ETV5: variants seen among roughly 807,000 people sequenced by gnomAD.
ETV5 encodes the protein ETS variant transcription factor 5, also known as ETS translocation variant 5.
In ETV5, 10 loss-of-function variants were observed where a neutral mutation model predicts 70.0. The ratio of observed to expected loss-of-function variants is 0.14; its 90% confidence interval spans 0.09 to 0.24. The LOEUF (loss-of-function observed/expected upper bound fraction) is 0.24, where lower values mean the gene tolerates loss of function less well. ETV5 is among the 10% of genes least tolerant of loss of function. The probability of loss-of-function intolerance (pLI) is 1.00; values close to 1 mark genes in which losing one functional copy is unlikely to be tolerated. For missense variants in ETV5, 453 were observed against 651.2 expected, an observed-to-expected ratio of 0.70 and a Z score of 3.31; for synonymous variants, 216 against 242.2, an observed-to-expected ratio of 0.89 and a Z score of 1.01.
chr3:186,072,473 T>G (rs1441488243), intron 7 of ETV5, among the ~76,000 whole-genome samples: 1 of 152,200 alleles, frequency 6.6e-6, no homozygotes, highest in African/African-American at 2.4e-5. Context: ...AGGAGCCCAC[T>G]GGTTGCCTTT....
At chr3:186,084,039 G>A in intron 5 of ETV5, 1 of 237,674 alleles carries the variant, frequency 4.2e-6, no homozygotes, top group Non-Finnish European at 8.5e-6. Flanking sequence ...CTTGCTTTCA[G>A]TCTGTTTCTT....
chr3:186,078,032 C>T (rs1242343286), intron 7 of ETV5: 44 of 1,057,702 alleles, frequency 4.2e-5, no homozygotes, highest in South Asian at 9.1e-5. Flanking sequence ...TCAACACCCA[C>T]GGGCAAATAA....
chr3:186,105,440 G>GAA lies in ETV5; in HGVS notation c.181+7_181+8dup. The GAA allele has an allele frequency of 1.2e-6, 2 of 1,613,958 alleles. No homozygotes were observed. Among genetic ancestry groups the GAA allele is most frequent in the Non-Finnish European group, 1.7e-6 (2 of 1,179,884 alleles). ...TTTATATGGAAAATAGGACATCCATGAAACTTGCCTTCAGCTAACCAAGCC... is the reference window on the plus strand; with the variant it reads ...TTTATATGGAAAATAGGACATCCATGAAAAACTTGCCTTCAGCTAACCAAGCC... On this transcript the variant is annotated intron_variant, in intron 4 of 12. Transcript: ENST00000306376. The surrounding 1 kb of genome is among the most constrained non-coding windows in gnomAD (Gnocchi z 4.5).
At chr3:186,081,932 C>A (rs1031025631) in intron 5 of ETV5, among the ~76,000 whole-genome samples, 3 of 152,236 alleles carry the variant, frequency 2.0e-5, no homozygotes, top group African/African-American at 7.2e-5. Context: ...TTGCTGAATT[C>A]ATGGAATAAA....
chr3:186,058,545 C>A (rs1158263148), intron 9 of ETV5, among the ~76,000 whole-genome samples: 2 of 152,106 alleles, frequency 1.3e-5, no homozygotes, highest in Non-Finnish European at 2.9e-5. Flanking sequence ...AAAGGCTCTG[C>A]AATGAAGGAC....
intron 7 of ETV5, among the ~76,000 whole-genome samples, chr3:186,076,980 GC>G: frequency 6.6e-6 from 1 of 152,326 alleles, no homozygotes; most frequent in Non-Finnish European, 1.5e-5. Flanking sequence ...GATGTTAGCA[GC>G]CCAAATAAAA....
chr3:186,048,896 G>C, intron 12 of ETV5, 36 bp from the exon 13 acceptor site: 2 of 1,553,234 alleles, frequency 1.3e-6, no homozygotes, highest in Non-Finnish European at 1.8e-6. Flanking sequence ...GGCCCAGTTG[G>C]AACAGGGCAT....
Position 186,080,652 on chromosome 3 carries a change from T to C in ETV5, c.362+394A>G, listed in dbSNP as rs988671951. The C allele has an allele frequency of 1.7e-5, 4 of 231,320 alleles. No homozygotes were observed. The East Asian group carries it at 1.9e-4, about 11-fold the overall frequency. The allele number at this position is 231,320 out of a possible 1,614,324, so 14.3% of individuals were successfully genotyped here. On this transcript the variant is annotated intron_variant, in intron 6 of 12. Coordinates refer to ENST00000306376, the MANE Select transcript of ETV5 (RefSeq NM_004454.3). Reference sequence around the variant, plus strand: ...ATATTCTTAAGTAAAGGGCACAAGCTTCAAGACTTTTTCATATATTCTGAT... The same window carrying C: ...ATATTCTTAAGTAAAGGGCACAAGCCTCAAGACTTTTTCATATATTCTGAT...
At chr3:186,106,239 A>C (rs564657751) in intron 1 of ETV5, among the ~76,000 whole-genome samples, 1 of 152,292 alleles carries the variant, frequency 6.6e-6, no homozygotes, top group Admixed American at 6.5e-5. Flanking sequence ...AAAATAAATA[A>C]ATAAAATAAA....
chr3:186,077,590 G>A (rs2150148503), intron 7 of ETV5, among the ~76,000 whole-genome samples: 1 of 152,298 alleles, frequency 6.6e-6, no homozygotes, highest in Middle Eastern at 3.4e-3. Context: ...GTGGAATAAG[G>A]ATGAGGGTAG....
chr3:186,073,609 T>A (rs1399481428), intron 7 of ETV5, among the ~76,000 whole-genome samples: 3 of 152,104 alleles, frequency 2.0e-5, no homozygotes, highest in Admixed American at 6.5e-5. Context: ...ACCAGAAAAA[T>A]CTCATACGTT....
chr3:186,090,403 G>A (rs1456133979), intron 5 of ETV5, among the ~76,000 whole-genome samples: 1 of 152,216 alleles, frequency 6.6e-6, no homozygotes, highest in African/African-American at 2.4e-5. Flanking sequence ...ACTACTGCCT[G>A]CTAATACTTC....
At chr3:186,094,608 T>TG (rs1016748810) in intron 5 of ETV5, among the ~76,000 whole-genome samples, 12 of 152,164 alleles carry the variant, frequency 7.9e-5, no homozygotes, top group Admixed American at 7.9e-4. Flanking sequence ...ACGCCAAAAA[T>TG]GGAAACCTAG....
At chr3:186,055,419 A>C (rs982075224) in intron 11 of ETV5, among the ~76,000 whole-genome samples, 2 of 152,182 alleles carry the variant, frequency 1.3e-5, no homozygotes, top group Non-Finnish European at 2.9e-5. Context: ...GGGATGCTAG[A>C]AGCCTAAAAC....
chr3:186,060,405 G>T (rs755810232), intron 9 of ETV5, among the ~76,000 whole-genome samples: 1 of 152,210 alleles, frequency 6.6e-6, no homozygotes, highest in Non-Finnish European at 1.5e-5. Flanking sequence ...TAAGTCAGTT[G>T]AATTTGAGCC....
rs1712947414 is a variant in ETV5 at position 186,048,817 on chromosome 3, T to C, written c.1355A>G (p.Asp452Gly). ...RYVYKFVCDP[D>G]ALFSMAFPDN... ...CGGGAAAGCCATGGAGAAGAGGGCATCTGGGTCACAGACAAATTTGTAGAC... is the reference window on the plus strand; with the variant it reads ...CGGGAAAGCCATGGAGAAGAGGGCACCTGGGTCACAGACAAATTTGTAGAC... Residue 452 changes from aspartate (D) to glycine (G), a missense_variant, in exon 13 of 13, where the codon GAT becomes GGT. Asp to Gly is a moderately conservative substitution (Grantham distance 94). Around this residue, in one of 4 missense-constraint regions of ETV5, gnomAD observed 74 missense variants for 95.2 expected, o/e 0.78. Transcript: ENST00000306376. The C allele has an allele frequency of 6.2e-7, 1 of 1,614,020 alleles. No individual in the cohort carries two copies. The highest frequency in any genetic ancestry group is 8.5e-7 in the Non-Finnish European group (1 of 1,179,982).
chr3:186,049,247 G>A (rs1424958338), intron 12 of ETV5, among the ~76,000 whole-genome samples: 3 of 152,218 alleles, frequency 2.0e-5, no homozygotes, highest in Non-Finnish European at 4.4e-5. Context: ...AGAGTTTACA[G>A]TCTTCACAGT....
chr3:186,064,455 G>A lies in ETV5; in HGVS notation c.932C>T (p.Ser311Phe), dbSNP rs1464091362. 1 of 1,614,050 alleles carries A rather than the reference G, an allele frequency of 6.2e-7. No homozygotes were observed. The highest frequency in any genetic ancestry group is 8.5e-7 in the Non-Finnish European group (1 of 1,180,042). ...GGAGAAATAACCCCCTCTCATGTAG[G>A]ATGACTGGCAGTTAGGCACTTCTGA... ...VDSEVPNCQSSYMRGGYFSSS... is the reference protein window; with the variant it reads ...VDSEVPNCQSFYMRGGYFSSS... Residue 311 changes from serine (S) to phenylalanine (F), a missense_variant, in exon 9 of 13, where the codon TCC becomes TTC. By Grantham distance (155) the Ser-to-Phe change is radical (BLOSUM62 -2). This residue lies in a region of ETV5 where 307 missense variants were observed against 344.9 expected (regional missense o/e 0.89). Transcript: ENST00000306376.
intron 5 of ETV5, among the ~76,000 whole-genome samples, chr3:186,097,637 G>T (rs750415672): frequency 6.6e-6 from 1 of 152,214 alleles, no homozygotes; most frequent in Non-Finnish European, 1.5e-5. Flanking sequence ...GGGCTTCACT[G>T]GCTTTGTGGG....
Sources: allele counts gnomAD v4.1 joint callset (sites outside exome capture counted in the v4.1 genomes callset), GRCh38; gene constraint gnomAD v4.1.1; regional missense constraint gnomAD v4.1.1; non-coding constraint Gnocchi (gnomAD v3.1); transcripts MANE v1.5; gene names NCBI Gene and HGNC (gene_info 2026-07-23, HGNC 2026-07-21).